VGLL4: variants seen among roughly 807,000 people sequenced by gnomAD.
VGLL4 encodes the protein transcription cofactor vestigial-like protein 4.
In VGLL4, 7 loss-of-function variants were observed where a neutral mutation model predicts 21.0. That is an observed-to-expected ratio of 0.33 (90% CI 0.19 to 0.63). The LOEUF (loss-of-function observed/expected upper bound fraction) is 0.63, where lower values mean the gene tolerates loss of function less well. Ranked by LOEUF, VGLL4 falls within the 20% of genes least tolerant of loss-of-function variation. The pLI is 0.78. For missense variants in VGLL4, 394 were observed against 425.7 expected (o/e 0.93, Z 0.66); for synonymous variants, 222 against 173.2 (o/e 1.28, Z -2.21).
intron 1 of VGLL4, among the ~76,000 whole-genome samples, chr3:11,712,030 C>T (rs527935349): frequency 6.6e-6 from 1 of 152,304 alleles, no homozygotes; most frequent in East Asian, 1.9e-4. Context: ...ACATATTCTT[C>T]CTGTTAACAT....
chr3:11,592,438 G>A (rs1029774112), intron 2 of VGLL4, among the ~76,000 whole-genome samples: 1 of 152,168 alleles, frequency 6.6e-6, no homozygotes, highest in African/African-American at 2.4e-5. Flanking sequence ...GGGAACCCTG[G>A]TGAGGCTGTG....
chr3:11,564,639 G>A, intron 3 of VGLL4, 158 bp downstream of exon 3: 1 of 838,272 alleles, frequency 1.2e-6, no homozygotes, highest in Non-Finnish European at 1.8e-6. Flanking sequence ...TGTCCCAAGT[G>A]CACAACAGAG....
chr3:11,583,259 C>G (rs73812498), intron 2 of VGLL4, among the ~76,000 whole-genome samples: 129 of 152,250 alleles, frequency 8.5e-4, no homozygotes, highest in African/African-American at 3.0e-3. Context: ...ATTTTATAAA[C>G]CAGAGGTTCT....
intron 3 of VGLL4, among the ~76,000 whole-genome samples, chr3:11,562,882 G>A (rs1033100169): frequency 3.3e-5 from 5 of 152,180 alleles, no homozygotes; most frequent in African/African-American, 4.8e-5. Context: ...GGGGGTCGAG[G>A]TTCTTCCTCC....
intron 1 of VGLL4, among the ~76,000 whole-genome samples, chr3:11,704,392 AAAAAAAAAAAAAAG>A (rs1171891504): frequency 4.7e-5 from 7 of 149,056 alleles, no homozygotes; most frequent in Non-Finnish European, 4.5e-5. Context: ...TCAAAAAAAA[AAAAAAAAAAAAAAG>A]AAAAAAAGAA....
At chr3:11,714,951 C>T (rs931137871) in intron 1 of VGLL4, among the ~76,000 whole-genome samples, 114 of 151,954 alleles carry the variant, frequency 7.5e-4, no homozygotes, top group Non-Finnish European at 7.9e-4. Context: ...CTGGCTAACA[C>T]AGTGAAACCC....
At chr3:11,696,560 C>T (rs935589457) in intron 2 of VGLL4, among the ~76,000 whole-genome samples, 8 of 152,146 alleles carry the variant, frequency 5.3e-5, no homozygotes, top group South Asian at 2.1e-4. Flanking sequence ...GTTTATCACA[C>T]GAAGGAGATG....
intron 2 of VGLL4, among the ~76,000 whole-genome samples, chr3:11,674,159 A>G (rs1380757149): frequency 6.6e-6 from 1 of 152,140 alleles, no homozygotes; most frequent in Non-Finnish European, 1.5e-5. Context: ...TATCAATCCA[A>G]TGAGAATGGA....
At chr3:11,667,062 A>G (rs1406410654) in intron 2 of VGLL4, among the ~76,000 whole-genome samples, 1 of 152,176 alleles carries the variant, frequency 6.6e-6, no homozygotes, top group Non-Finnish European at 1.5e-5. Flanking sequence ...AATCACTTCC[A>G]GCAACCATCT....
intron 1 of VGLL4, among the ~76,000 whole-genome samples, chr3:11,704,163 C>G (rs2076723960): frequency 6.6e-6 from 1 of 151,906 alleles, no homozygotes; most frequent in Non-Finnish European, 1.5e-5. Flanking sequence ...GGCAGGTAAC[C>G]TGAGGTCGGG....
intron 2 of VGLL4, among the ~76,000 whole-genome samples, chr3:11,665,198 C>A (rs1049597659): frequency 6.8e-6 from 1 of 146,622 alleles, no homozygotes; most frequent in Non-Finnish European, 1.5e-5. Context: ...ACTGCAAGCT[C>A]CGCCTCCTGG....
rs112817550 is a variant in VGLL4 at position 11,695,679 on chromosome 3, G to A, written c.64+7292C>T. On this transcript the variant is annotated intron_variant, in intron 2 of 5. Transcript: ENST00000273038. Reference sequence around the variant, plus strand: ...TTATTAGACCAGTGATTCGTGTGGGGAAAGGGACCTGATGTCAGATGCACC... The same window carrying A: ...TTATTAGACCAGTGATTCGTGTGGGAAAAGGGACCTGATGTCAGATGCACC... Among the ~76,000 whole-genome samples the A allele has an allele frequency of 2.7e-3, 418 of 152,290 alleles. 1 individual carries two copies. The highest frequency in any genetic ancestry group is 9.1e-3 in the African/African-American group (377 of 41,562).
chr3:11,650,277 A>T (rs1249539514), intron 2 of VGLL4, among the ~76,000 whole-genome samples: 1 of 152,174 alleles, frequency 6.6e-6, no homozygotes, highest in Non-Finnish European at 1.5e-5. Flanking sequence ...GTGCCTCAGC[A>T]TCTTTGTGGA....
intron 2 of VGLL4, among the ~76,000 whole-genome samples, chr3:11,684,487 C>T (rs866143412): frequency 5.9e-5 from 9 of 151,884 alleles, no homozygotes; most frequent in African/African-American, 1.9e-4. Flanking sequence ...CTCAAGTGAT[C>T]CTCCCACCTC....
At chr3:11,571,851 A>G (rs958738968) in intron 2 of VGLL4, among the ~76,000 whole-genome samples, 1 of 152,084 alleles carries the variant, frequency 6.6e-6, no homozygotes, top group Non-Finnish European at 1.5e-5. Context: ...TCACACCTGT[A>G]ATCTCATCAC....
Position 11,629,964 on chromosome 3 carries a change from T to C in VGLL4, c.82+13473A>G, listed in dbSNP as rs2075441117. Among the ~76,000 whole-genome samples the C allele has an allele frequency of 2.0e-5, 3 of 152,094 alleles. No individual in the cohort carries two copies. In the South Asian group the frequency reaches 6.2e-4, roughly 32 times the overall value. ...AATAAGAAATAAAGCAAAGCTATACTAAGCTAAAGGAAAGTGTTCTCAAAA... is the reference window on the plus strand; with the variant it reads ...AATAAGAAATAAAGCAAAGCTATACCAAGCTAAAGGAAAGTGTTCTCAAAA... On this transcript the variant is annotated intron_variant, in intron 1 of 4. Coordinates refer to ENST00000430365, the MANE Select transcript of VGLL4 (RefSeq NM_001128219.3).
intron 1 of VGLL4, among the ~76,000 whole-genome samples, chr3:11,635,916 A>G (rs766249082): frequency 6.6e-6 from 1 of 152,222 alleles, no homozygotes; most frequent in Non-Finnish European, 1.5e-5. Flanking sequence ...GATTTTAAGC[A>G]TTAGAGAAGA....
intron 2 of VGLL4, among the ~76,000 whole-genome samples, chr3:11,652,786 ATC>A (rs2075895308): frequency 6.6e-6 from 1 of 152,148 alleles, no homozygotes; most frequent in Non-Finnish European, 1.5e-5. Context: ...GAAAAGAGAA[ATC>A]TCTTGCAAAA....
intron 2 of VGLL4, among the ~76,000 whole-genome samples, chr3:11,598,948 T>C (rs1487394694): frequency 6.6e-6 from 1 of 152,242 alleles, no homozygotes; most frequent in African/African-American, 2.4e-5. Context: ...ACTAGGCTAT[T>C]CCTTTTCAAA....
Sources: allele counts gnomAD v4.1 joint callset (sites outside exome capture counted in the v4.1 genomes callset), GRCh38; gene constraint gnomAD v4.1.1; transcripts MANE v1.5; gene names NCBI Gene and HGNC (gene_info 2026-07-23, HGNC 2026-07-21).